The following UBE2K variants were observed in gnomAD, a reference collection of about 807,000 sequenced individuals.
The protein encoded by UBE2K is ubiquitin-conjugating enzyme E2 K.
A neutral mutation model predicts 30.0 loss-of-function variants in UBE2K; 6 were observed. That is an observed-to-expected ratio of 0.20 (90% CI 0.11 to 0.39). The LOEUF is 0.39. Among genes scored for constraint, UBE2K ranks in the 10% least tolerant of loss-of-function variants. The probability of loss-of-function intolerance (pLI) is 1.00; values close to 1 mark genes in which losing one functional copy is unlikely to be tolerated. For missense variants in UBE2K, 61 were observed against 241.6 expected, an observed-to-expected ratio of 0.25 and a Z score of 4.96; for synonymous variants, 86 against 83.7, an observed-to-expected ratio of 1.03 and a Z score of -0.15.
At chr4:39,719,120 C>G (rs1000203339) in intron 1 of UBE2K, among the ~76,000 whole-genome samples, 10 of 152,360 alleles carry the variant, frequency 6.6e-5, no homozygotes, top group Admixed American at 2.0e-4. Flanking sequence ...TACACACTTG[C>G]ATTCCTACAC....
At chr4:39,740,862 CAAA>C (rs57382171) in intron 2 of UBE2K, among the ~76,000 whole-genome samples, 140 of 69,790 alleles carry the variant, frequency 2.0e-3, no homozygotes, top group African/African-American at 5.3e-3. Flanking sequence ...GACTCCGTCT[CAAA>C]AAAAAAAAAA....
rs1157922250 is a variant in UBE2K, at chr4:39,744,906, C to CA, written c.158-832dup. ...TGGGCAACAGAGCGAGACTCTGTCTCAAAAAAAAAAAAAATAAATTAAATA... is the reference window on the plus strand; with the variant it reads ...TGGGCAACAGAGCGAGACTCTGTCTCAAAAAAAAAAAAAAATAAATTAAATA... On this transcript the variant is annotated intron_variant, in intron 2 of 6. Transcript: ENST00000261427. 4.4e-3 allele frequency among the ~76,000 whole-genome samples: 336 copies of CA among 76,660 alleles called. 1 individual carries two copies. Among genetic ancestry groups the CA allele is most frequent in the African/African-American group, 0.012 (185 of 15,906 alleles). 50.3% of individuals were successfully genotyped at this position (76,660 alleles called of 152,430 possible).
chr4:39,712,613 A>T (rs1156451900), intron 1 of UBE2K, among the ~76,000 whole-genome samples: 2 of 151,562 alleles, frequency 1.3e-5, no homozygotes, highest in African/African-American at 2.4e-5. Flanking sequence ...GTACAGACAG[A>T]GTTTCACCAT....
rs1713582055 is a variant in UBE2K, at chr4:39,781,046, G to A, written c.*2612G>A. 1 of 152,118 alleles carries A rather than the reference G, an allele frequency of 6.6e-6. No homozygotes were observed. Among genetic ancestry groups the A allele is most frequent in the Non-Finnish European group, 1.5e-5 (1 of 67,994 alleles). 9.4% of individuals were successfully genotyped at this position (152,118 alleles called of 1,614,324 possible). ...ATAATCAGGCCTGTTTCCTGAGTAT[G>A]TGCCTCTTTTAAAAGAAGAAATAAT... is the stretch of plus-strand genomic sequence containing the variant. On this transcript the variant is annotated 3_prime_UTR_variant, in exon 7 of 7. Transcript: ENST00000261427.
intron 1 of UBE2K, among the ~76,000 whole-genome samples, chr4:39,707,612 C>T (rs2109307611): frequency 6.6e-6 from 1 of 151,522 alleles, no homozygotes; most frequent in Admixed American, 6.6e-5. Context: ...GCCTTGACCT[C>T]CTGGGTTCTA....
intron 1 of UBE2K, among the ~76,000 whole-genome samples, chr4:39,708,506 AG>A (rs1718500297): frequency 6.6e-6 from 1 of 152,084 alleles, no homozygotes; most frequent in Non-Finnish European, 1.5e-5. Context: ...CTGCCTTTCT[AG>A]TTACTTTCCT....
intron 1 of UBE2K, among the ~76,000 whole-genome samples, chr4:39,724,983 A>G (rs1366158041): frequency 6.6e-6 from 1 of 152,154 alleles, no homozygotes; most frequent in Non-Finnish European, 1.5e-5. Context: ...GACTTCTTAA[A>G]TAAGATCTGA....
chr4:39,779,042 A>ACCCCCCCCCCCCCCCCCCTCCC lies in UBE2K; in HGVS notation c.*616_*617insCCCCCCCCCCTCCCCCCCCCCC, dbSNP rs3839130. 1.6e-5 allele frequency: 2 copies of ACCCCCCCCCCCCCCCCCCTCCC among 128,224 alleles called. No homozygotes were observed. The highest frequency in any genetic ancestry group is 6.1e-5 in the African/African-American group (2 of 32,820). 7.9% of individuals were successfully genotyped at this position (128,224 alleles called of 1,614,324 possible). A position where few individuals can be genotyped will look rare whatever the true frequency, so the allele number is the denominator to read the frequency against. ...TGGGACAGTGTCTGATTCCCCCTTC[A>ACCCCCCCCCCCCCCCCCCTCCC]CCCCCCCCACCCCCGCCTTGCCACA... On this transcript the variant is annotated 3_prime_UTR_variant, in exon 7 of 7. Coordinates refer to ENST00000261427, the MANE Select transcript of UBE2K (RefSeq NM_005339.5).
chr4:39,772,947 A>G (rs1008691422), intron 4 of UBE2K, among the ~76,000 whole-genome samples: 3 of 151,710 alleles, frequency 2.0e-5, no homozygotes, highest in African/African-American at 7.3e-5. Flanking sequence ...CTGGCCTCCC[A>G]AAGTGTTGGG....
At chr4:39,753,267 A>G (rs1475962066) in intron 3 of UBE2K, among the ~76,000 whole-genome samples, 4 of 152,092 alleles carry the variant, frequency 2.6e-5, no homozygotes, top group African/African-American at 4.8e-5. Flanking sequence ...GTGTGTGCCT[A>G]TAGTCACAGC....
Position 39,761,796 on chromosome 4 carries a change from A to G in UBE2K, c.299+6057A>G, listed in dbSNP as rs1356368881. Among the ~76,000 whole-genome samples the G allele has an allele frequency of 2.0e-5, 3 of 152,198 alleles. No homozygotes were observed. The East Asian group carries it at 5.8e-4, about 29-fold the overall frequency. On this transcript the variant is annotated intron_variant, in intron 4 of 6. Coordinates refer to ENST00000261427, the MANE Select transcript of UBE2K (RefSeq NM_005339.5). ...TACTTTTTCACATTACTGAATTTAG[A>G]TTAGAGCAGTCCAAAATTGCACACA...
chr4:39,757,409 T>TA (rs1711560400), intron 4 of UBE2K, among the ~76,000 whole-genome samples: 1 of 152,308 alleles, frequency 6.6e-6, no homozygotes, highest in East Asian at 1.9e-4. Context: ...GTATTTAGTG[T>TA]ATGGCCAGTG....
chr4:39,757,634 C>CTGTT (rs1271663316), intron 4 of UBE2K, among the ~76,000 whole-genome samples: 2 of 152,096 alleles, frequency 1.3e-5, no homozygotes, highest in East Asian at 3.9e-4. Flanking sequence ...TTTATCTTCT[C>CTGTT]TGTTACTCTT....
chr4:39,703,703 C>T (rs1274487183), intron 1 of UBE2K, among the ~76,000 whole-genome samples: 3 of 151,582 alleles, frequency 2.0e-5, no homozygotes, highest in South Asian at 2.1e-4. Context: ...AAAAATTAGC[C>T]GGGCATGGTG....
At position 39,763,471 on chromosome 4, in the gene UBE2K, G is replaced by A. The variant is rs188958910; in HGVS notation, c.299+7732G>A. Among the ~76,000 whole-genome samples the A allele has an allele frequency of 3.3e-5, 5 of 151,886 alleles. No homozygotes were observed. In the East Asian group the frequency reaches 7.8e-4, roughly 24 times the overall value. On this transcript the variant is annotated intron_variant, in intron 4 of 6. Coordinates refer to ENST00000261427, the MANE Select transcript of UBE2K (RefSeq NM_005339.5). ...TCTCCATGTTGGTCAGGCTGGTCTC[G>A]AACTCCCAACCTCGGATCATCTGTG... is the stretch of plus-strand genomic sequence containing the variant.
intron 4 of UBE2K, among the ~76,000 whole-genome samples, chr4:39,758,747 A>G (rs1711666471): frequency 6.6e-6 from 1 of 151,928 alleles, no homozygotes; most frequent in South Asian, 2.1e-4. Context: ...CTTTTTGCCC[A>G]GAGTTAAGCC....
intron 4 of UBE2K, among the ~76,000 whole-genome samples, chr4:39,766,273 C>T (rs1469138397): frequency 6.6e-6 from 1 of 151,984 alleles, no homozygotes; most frequent in Non-Finnish European, 1.5e-5. Context: ...ACAAGAGTTC[C>T]ATTTCTCCAC....
At chr4:39,772,207 C>G (rs1712932030) in intron 4 of UBE2K, among the ~76,000 whole-genome samples, 1 of 152,008 alleles carries the variant, frequency 6.6e-6, no homozygotes, top group Non-Finnish European at 1.5e-5. Context: ...ATTGAGAAAA[C>G]AGTCACTAAT....
chr4:39,774,876 A>G lies in UBE2K; in HGVS notation c.342A>G (p.Gln114=), dbSNP rs141207579. Residue 114 remains glutamine, a synonymous_variant, in exon 5 of 7, where the codon CAA becomes CAG. Coordinates refer to ENST00000261427, the MANE Select transcript of UBE2K (RefSeq NM_005339.5). ...TCCGCACGGTATTATTGTCATTGCA[A>G]GCACTATTGGCAGCTGCAGAGCCAG... The part of the protein sequence containing the change: ...MTLRTVLLSL[Q]ALLAAAEPDD... 6.2e-4 allele frequency: 998 copies of G among 1,604,740 alleles called. 9 individuals are homozygous for G. The African/African-American group carries it at 0.012, about 19-fold the overall frequency.
Sources: gnomAD v4.1 joint callset for allele counts (sites outside exome capture counted in the v4.1 genomes callset) on GRCh38, gnomAD v4.1.1 for gene constraint, MANE v1.5 for transcripts, NCBI Gene and HGNC (gene_info 2026-07-23, HGNC 2026-07-21) for gene names.